Variants in PPARGC1A observed in about 807,000 individuals in gnomAD.
The protein encoded by PPARGC1A is PPARG coactivator 1 alpha, also known as peroxisome proliferator-activated receptor gamma coactivator 1-alpha.
Under a neutral mutation model 88.7 loss-of-function variants are expected in PPARGC1A, and 25 were observed. The ratio of observed to expected loss-of-function variants is 0.28; its 90% confidence interval spans 0.21 to 0.39. The LOEUF is 0.39. Ranked by LOEUF, PPARGC1A falls within the 10% of genes least tolerant of loss-of-function variation. PPARGC1A has a pLI of 1.00. For missense variants in PPARGC1A, 880 were observed against 968.7 expected (o/e 0.91, Z 1.22); for synonymous variants, 363 against 355.6 (o/e 1.02, Z -0.24).
the PPARGC1A span, among the ~76,000 whole-genome samples, chr4:24,269,593 T>A: frequency 6.6e-6 from 1 of 152,178 alleles, no homozygotes; most frequent in African/African-American, 2.4e-5. Context: ...TACGCGAGTA[T>A]AATAAAAGTA....
the PPARGC1A span, among the ~76,000 whole-genome samples, chr4:24,120,316 C>G: frequency 6.6e-6 from 1 of 152,210 alleles, no homozygotes; most frequent in East Asian, 1.9e-4. Context: ...GGCTGGCTGA[C>G]AGGGATGTGG....
At chr4:24,074,670 T>C in the PPARGC1A span, among the ~76,000 whole-genome samples, 1 of 152,120 alleles carries the variant, frequency 6.6e-6, no homozygotes, top group African/African-American at 2.4e-5. Context: ...CTTCCTAGAA[T>C]TCTCTGAAAT....
the PPARGC1A span, among the ~76,000 whole-genome samples, chr4:23,929,019 T>C: frequency 6.6e-6 from 1 of 152,120 alleles, no homozygotes; most frequent in African/African-American, 2.4e-5. Context: ...AAATTGCTAA[T>C]GCATGCTGGG....
intron 2 of PPARGC1A, among the ~76,000 whole-genome samples, chr4:23,870,684 C>T (rs1713119434): frequency 6.6e-6 from 1 of 152,120 alleles, no homozygotes; most frequent in African/African-American, 2.4e-5. Context: ...TGTGCTCCAT[C>T]TGAGGGAATT....
the PPARGC1A span, among the ~76,000 whole-genome samples, chr4:24,324,209 C>T: frequency 1.4e-5 from 2 of 144,726 alleles, no homozygotes; most frequent in Admixed American, 6.7e-5. Flanking sequence ...AGTACCCCAA[C>T]CCCTTCTCTC....
At chr4:24,285,995 A>G in the PPARGC1A span, among the ~76,000 whole-genome samples, 1 of 152,180 alleles carries the variant, frequency 6.6e-6, no homozygotes, top group Non-Finnish European at 1.5e-5. Flanking sequence ...CCAAACTTTC[A>G]GAGGAAACAA....
chr4:24,201,439 A>G, the PPARGC1A span, among the ~76,000 whole-genome samples: 1 of 152,238 alleles, frequency 6.6e-6, no homozygotes, highest in African/African-American at 2.4e-5. Context: ...GAGCAGAGTC[A>G]GCCATTTTTA....
At chr4:24,177,932 C>T in the PPARGC1A span, among the ~76,000 whole-genome samples, 2 of 152,170 alleles carry the variant, frequency 1.3e-5, no homozygotes, top group African/African-American at 2.4e-5. Flanking sequence ...GGGAAATCAT[C>T]TTCAATTTTG....
chr4:24,121,471 A>C, the PPARGC1A span, among the ~76,000 whole-genome samples: 1 of 152,044 alleles, frequency 6.6e-6, no homozygotes, highest in Non-Finnish European at 1.5e-5. Context: ...CCACGTGAAT[A>C]TCACTAAGGA....
chr4:24,198,754 G>C, the PPARGC1A span, among the ~76,000 whole-genome samples: 1 of 152,170 alleles, frequency 6.6e-6, no homozygotes, highest in African/African-American at 2.4e-5. Context: ...TGGTATGAGA[G>C]AAAGCCAATA....
At chr4:24,012,635 T>C in the PPARGC1A span, among the ~76,000 whole-genome samples, 1 of 152,096 alleles carries the variant, frequency 6.6e-6, no homozygotes, top group East Asian at 1.9e-4. Context: ...CCTAAGCCCT[T>C]CCTTGTCCCC....
At chr4:24,425,414 G>A in the PPARGC1A span, among the ~76,000 whole-genome samples, 3 of 151,898 alleles carry the variant, frequency 2.0e-5, no homozygotes, top group South Asian at 6.2e-4. Flanking sequence ...CAGCACCCAG[G>A]GTATAATTTA....
At chr4:24,413,609 T>C in the PPARGC1A span, among the ~76,000 whole-genome samples, 2 of 152,164 alleles carry the variant, frequency 1.3e-5, no homozygotes, top group Admixed American at 6.5e-5. Flanking sequence ...CCCAGATCCT[T>C]GTGGGGGGGT....
At chr4:24,246,261 A>C in the PPARGC1A span, among the ~76,000 whole-genome samples, 1 of 152,306 alleles carries the variant, frequency 6.6e-6, no homozygotes, top group Non-Finnish European at 1.5e-5. Flanking sequence ...AACAGCTCTC[A>C]CAATAAATGC....
the PPARGC1A span, among the ~76,000 whole-genome samples, chr4:24,129,328 G>C: frequency 6.6e-6 from 1 of 152,096 alleles, no homozygotes; most frequent in Non-Finnish European, 1.5e-5. Flanking sequence ...GAAGTACTTG[G>C]TAGAGATCTA....
the PPARGC1A span, among the ~76,000 whole-genome samples, chr4:24,015,634 TGTGTGC>T: frequency 6.6e-6 from 1 of 152,098 alleles, no homozygotes; most frequent in Non-Finnish European, 1.5e-5. Flanking sequence ...CACAGTGGCG[TGTGTGC>T]GTGTGTGTGA....
chr4:24,137,725 A>C, the PPARGC1A span, among the ~76,000 whole-genome samples: 2 of 152,220 alleles, frequency 1.3e-5, no homozygotes, highest in African/African-American at 4.8e-5. Flanking sequence ...GCTTCTGGCC[A>C]TGGGAAGATT....
chr4:24,421,931 T>C, the PPARGC1A span, among the ~76,000 whole-genome samples: 1 of 152,192 alleles, frequency 6.6e-6, no homozygotes, highest in Non-Finnish European at 1.5e-5. Flanking sequence ...ACTTAAGTTG[T>C]TGGTTAAAAA....
At chr4:23,957,892 T>G in the PPARGC1A span, among the ~76,000 whole-genome samples, 1 of 152,088 alleles carries the variant, frequency 6.6e-6, no homozygotes, top group African/African-American at 2.4e-5. Flanking sequence ...GAGGAAAACC[T>G]GGAATGTTGA....
Sources: allele counts gnomAD v4.1 joint callset (sites outside exome capture counted in the v4.1 genomes callset), GRCh38; gene constraint gnomAD v4.1.1; transcripts MANE v1.5; gene names NCBI Gene and HGNC (gene_info 2026-07-23, HGNC 2026-07-21).